MARK1: variants seen among roughly 807,000 people sequenced by gnomAD.
The protein encoded by MARK1 is serine/threonine-protein kinase MARK1.
A neutral mutation model predicts 96.3 loss-of-function variants in MARK1; 40 were observed. The observed-to-expected ratio is 0.42, with a 90% CI of 0.32 to 0.54. The LOEUF (loss-of-function observed/expected upper bound fraction) is 0.54. Among genes scored for constraint, MARK1 ranks in the 20% least tolerant of loss-of-function variants. The pLI, the probability that MARK1 is intolerant of heterozygous loss-of-function variation, is 0.16. For missense variants in MARK1, 719 were observed against 984.6 expected (o/e 0.73, Z 3.61); for synonymous variants, 317 against 341.2 (o/e 0.93, Z 0.78).
chr1:220,641,869 T>G (rs1481676110), intron 13 of MARK1, among the ~76,000 whole-genome samples: 1 of 152,208 alleles, frequency 6.6e-6, no homozygotes, highest in East Asian at 1.9e-4. Flanking sequence ...GGGAGTGTGC[T>G]GCCTGCCTGG....
At chr1:220,570,288 A>G (rs1440118882) in intron 1 of MARK1, among the ~76,000 whole-genome samples, 4 of 152,120 alleles carry the variant, frequency 2.6e-5, no homozygotes, top group Non-Finnish European at 5.9e-5. Flanking sequence ...GATTTTTCTC[A>G]GAATGTAATG....
At chr1:220,638,473 A>C (rs982841349) in intron 13 of MARK1, among the ~76,000 whole-genome samples, 2 of 152,080 alleles carry the variant, frequency 1.3e-5, no homozygotes, top group Admixed American at 6.6e-5. Context: ...TTAGCTGTTT[A>C]TATGCTGTCT....
rs1179546570 is a variant in MARK1, at chr1:220,635,507, G to A, written c.1254G>A (p.Lys418=). 3 of 1,610,564 alleles carry A rather than the reference G, an allele frequency of 1.9e-6. No homozygotes were observed. Among genetic ancestry groups the A allele is most frequent in the South Asian group, 1.1e-5 (1 of 90,232 alleles). Residue 418 remains lysine, a synonymous_variant, in exon 12 of 18, where the codon AAG becomes AAA. Coordinates refer to ENST00000366917, the MANE Select transcript of MARK1 (RefSeq NM_018650.5). ...KVQRSISANQ[K]QRRFSDHAGP... ...AGAGAAGTATCTCAGCAAATCAGAA[G>A]CAGCGGCGTTTCAGTGATCATGGTA...
chr1:220,600,892 C>CT (rs11417176), intron 5 of MARK1, among the ~76,000 whole-genome samples: 83,439 of 144,190 alleles, frequency 0.58, 25,055 homozygotes, highest in Non-Finnish European at 0.67. Flanking sequence ...TTTTCTTTTT[C>CT]TTTTTTTTTT....
In MARK1 at chr1:220,635,837, T is replaced by C; in HGVS notation, c.1281T>C (p.Gly427=). Residue 427 remains glycine (G), a synonymous_variant, in exon 13 of 18, where the codon GGT becomes GGC. Transcript: ENST00000366917. The part of the protein sequence containing the change: ...QKQRRFSDHA[G]PSIPPAVSYT... ...CTATTTTTAAAAAAATTATAGCTGG[T>C]CCATCCATTCCTCCTGCTGTATCAT... 1 of 1,580,858 alleles carries C rather than the reference T, an allele frequency of 6.3e-7. No homozygotes were observed. Among genetic ancestry groups the C allele is most frequent in the Non-Finnish European group, 8.6e-7 (1 of 1,167,700 alleles).
intron 1 of MARK1, among the ~76,000 whole-genome samples, chr1:220,550,902 T>A (rs2102741695): frequency 6.6e-6 from 1 of 152,326 alleles, no homozygotes; most frequent in East Asian, 1.9e-4. Flanking sequence ...AAGCTTTTAC[T>A]AAGGGATTAT....
Position 220,528,836 on chromosome 1 carries a change from C to T in MARK1, c.14C>T (p.Thr5Met). 6.4e-7 allele frequency: 1 copy of T among 1,565,930 alleles called. No homozygotes were observed. The change falls in exon 1 of 18, where the codon ACG (threonine) becomes ATG (methionine). Residue 5 changes from threonine (T) to methionine (M), a missense_variant. By Grantham distance (81) the Thr-to-Met change is moderately conservative. Coordinates refer to ENST00000366917, the MANE Select transcript of MARK1 (RefSeq NM_018650.5). ...TGCCCGCACAAAATGTCGGCCCGGACGCCATTGCCGACGGTGAACGAGCGG... is the reference window on the plus strand; with the variant it reads ...TGCCCGCACAAAATGTCGGCCCGGATGCCATTGCCGACGGTGAACGAGCGG... MSARTPLPTVNERDT... is the reference protein window; with the variant it reads MSARMPLPTVNERDT...
chr1:220,597,642 C>G (rs1417223621), intron 3 of MARK1, among the ~76,000 whole-genome samples: 1 of 152,044 alleles, frequency 6.6e-6, no homozygotes, highest in African/African-American at 2.4e-5. Context: ...CTCCTATTTT[C>G]TTGAACAAAT....
intron 13 of MARK1, among the ~76,000 whole-genome samples, chr1:220,639,792 A>C (rs1668170001): frequency 6.6e-6 from 1 of 152,208 alleles, no homozygotes; most frequent in Non-Finnish European, 1.5e-5. Context: ...ATTTTTAATA[A>C]ATGCTACCAA....
intron 1 of MARK1, among the ~76,000 whole-genome samples, chr1:220,559,909 G>A (rs567518695): frequency 1.9e-5 from 2 of 106,954 alleles, no homozygotes; most frequent in Admixed American, 2.0e-4. Flanking sequence ...TACTTGGGGT[G>A]TATGTTCTAA....
chr1:220,616,117 T>C (rs1319673655), intron 7 of MARK1, 122 bp downstream of exon 7: 3 of 424,586 alleles, frequency 7.1e-6, no homozygotes, highest in Non-Finnish European at 1.2e-5. Context: ...TACAAGTAGT[T>C]AGTTTTTGAT....
At chr1:220,577,617 T>C (rs1663957160) in intron 1 of MARK1, among the ~76,000 whole-genome samples, 1 of 152,190 alleles carries the variant, frequency 6.6e-6, no homozygotes, top group Non-Finnish European at 1.5e-5. Flanking sequence ...GAATTTGCAT[T>C]TTGAACAAGT....
At position 220,653,195 on chromosome 1, in the gene MARK1, C is replaced by T; in HGVS notation, c.1831C>T (p.Arg611Ter). The T allele has an allele frequency of 6.2e-7, 1 of 1,614,192 alleles. No homozygotes were observed. The highest frequency in any genetic ancestry group is 8.5e-7 in the Non-Finnish European group (1 of 1,180,040). Reference protein sequence around the residue: ...RTRFPRGSSSRSTFHGEQLRE... With the variant: ...RTRFPRGSSS ...CCGTTTTCCCCGAGGGAGCTCAAGC[C>T]GAAGCACTTTCCATGGTGAACAGCT... The change falls in exon 16 of 18, where the codon CGA (arginine) becomes TGA (stop). Residue 611 changes from arginine (R) to a stop codon, truncating the protein, a stop_gained. Coordinates refer to ENST00000366917, the MANE Select transcript of MARK1 (RefSeq NM_018650.5). LOFTEE classifies it high-confidence loss of function.
chr1:220,558,527 A>C (rs1053805725), intron 1 of MARK1, among the ~76,000 whole-genome samples: 1 of 151,630 alleles, frequency 6.6e-6, no homozygotes, highest in African/African-American at 2.4e-5. Flanking sequence ...TGAAAGGTTG[A>C]AAAAAAGATG....
intron 3 of MARK1, among the ~76,000 whole-genome samples, chr1:220,598,017 C>T (rs910798703): frequency 1.3e-5 from 2 of 152,092 alleles, no homozygotes; most frequent in African/African-American, 2.4e-5. Context: ...TGTAGCTTTT[C>T]ATAAGGAATG....
chr1:220,602,803 T>C (rs1015411717), intron 5 of MARK1, among the ~76,000 whole-genome samples: 1 of 152,116 alleles, frequency 6.6e-6, no homozygotes, highest in African/African-American at 2.4e-5. Context: ...ATTACGTATT[T>C]GATTTTTAAT....
At chr1:220,569,522 G>GT (rs961209563) in intron 1 of MARK1, among the ~76,000 whole-genome samples, 29 of 151,756 alleles carry the variant, frequency 1.9e-4, no homozygotes, top group African/African-American at 6.5e-4. Flanking sequence ...TTGTCTTTGT[G>GT]TTTTTTTCTG....
intron 3 of MARK1, among the ~76,000 whole-genome samples, chr1:220,590,471 C>T (rs1004825001): frequency 6.6e-6 from 1 of 152,078 alleles, no homozygotes; most frequent in Admixed American, 6.6e-5. Context: ...TTTTAGGACA[C>T]CAGTCATATT....
chr1:220,607,339 A>G (rs1324392672), intron 6 of MARK1, among the ~76,000 whole-genome samples: 1 of 152,100 alleles, frequency 6.6e-6, no homozygotes, highest in Non-Finnish European at 1.5e-5. Context: ...TTATTGGTGT[A>G]TAGGAATGCT....
Sources: allele counts gnomAD v4.1 joint callset (sites outside exome capture counted in the v4.1 genomes callset), GRCh38; gene constraint gnomAD v4.1.1; transcripts MANE v1.5; gene names NCBI Gene and HGNC (gene_info 2026-07-23, HGNC 2026-07-21).